Variants in JARID2 observed in about 807,000 individuals in gnomAD.
JARID2 encodes protein Jumonji.
A neutral mutation model predicts 125.6 loss-of-function variants in JARID2; 21 were observed. The observed-to-expected ratio is 0.17, with a 90% confidence interval of 0.12 to 0.24. JARID2 has a LOEUF of 0.24. JARID2 is among the 10% of genes least tolerant of loss of function. The probability of loss-of-function intolerance (pLI) is 1.00; values close to 1 mark genes in which losing one functional copy is unlikely to be tolerated. For synonymous variants in JARID2, 736 were observed against 661.6 expected, an observed-to-expected ratio of 1.11 and a Z score of -1.73; for missense variants, 1,303 against 1,639.6, an observed-to-expected ratio of 0.79 and a Z score of 3.55.
chr6:15,519,947 T>C (rs1000095989), intron 17 of JARID2, 122 bp from the exon 18 acceptor site: 2 of 632,630 alleles, frequency 3.2e-6, no homozygotes, highest in East Asian at 6.4e-5. Context: ...TTAAAACCTG[T>C]TGGTTGGTGT....
At chr6:15,373,751 A>G (rs887690534) in intron 1 of JARID2, among the ~76,000 whole-genome samples, 6 of 152,244 alleles carry the variant, frequency 3.9e-5, no homozygotes, top group Admixed American at 6.5e-5. Flanking sequence ...CTCACTTTAT[A>G]AAACTCAAGT....
At chr6:15,439,031 CA>C (rs754404770) in intron 3 of JARID2, among the ~76,000 whole-genome samples, 6,706 of 85,720 alleles carry the variant, frequency 0.078, 183 homozygotes, top group Admixed American at 0.14. Context: ...GACTCTGTCT[CA>C]AAAAAAAAAA....
intron 3 of JARID2, among the ~76,000 whole-genome samples, chr6:15,431,952 T>TAC (rs1766983202): frequency 6.6e-6 from 1 of 152,202 alleles, no homozygotes; most frequent in Non-Finnish European, 1.5e-5. Flanking sequence ...CCTGGTTAGG[T>TAC]ACACAGGCTC....
At position 15,496,166 on chromosome 6, in the gene JARID2, C is replaced by T. The variant is rs374542117; in HGVS notation, c.941C>T (p.Ser314Phe). Residue 314 changes from serine to phenylalanine, a missense_variant, in exon 7 of 18, where the codon TCT (serine) becomes TTT (phenylalanine). Around this residue, in one of 11 missense-constraint regions of JARID2, gnomAD observed 651 missense variants for 581.6 expected, o/e 1.12. Transcript: ENST00000341776. The stretch of plus-strand genomic sequence containing the variant: ...GTAAACGGAGTCACTCGAATGTCAT[C>T]TCTGGGTGCAGGTGTAACCAGTGCC... ...SKVNGVTRMS[S>F]LGAGVTSAKK... 8.5e-5 allele frequency: 137 copies of T among 1,613,642 alleles called. 1 individual carries two copies. The highest frequency in any genetic ancestry group is 3.3e-4 in the Middle Eastern group (2 of 6,080).
At chr6:15,277,756 T>TA in intron 1 of JARID2, among the ~76,000 whole-genome samples, 2 of 145,318 alleles carry the variant, frequency 1.4e-5, no homozygotes, top group African/African-American at 5.1e-5. Context: ...TGTCGTAACT[T>TA]ACTAATAGAT....
intron 5 of JARID2, among the ~76,000 whole-genome samples, chr6:15,481,801 G>A (rs3800497): frequency 0.25 from 37,780 of 152,024 alleles, 5,250 homozygotes; most frequent in East Asian, 0.41. Flanking sequence ...TTTAATTTCC[G>A]TATGTTTGAA....
intron 1 of JARID2, among the ~76,000 whole-genome samples, chr6:15,367,087 G>T (rs1429655710): frequency 6.6e-6 from 1 of 152,104 alleles, no homozygotes; most frequent in African/African-American, 2.4e-5. Flanking sequence ...GTATTTCCCT[G>T]TCGTTACTAC....
chr6:15,477,637 G>C (rs997419339), intron 5 of JARID2, among the ~76,000 whole-genome samples: 17 of 151,896 alleles, frequency 1.1e-4, no homozygotes, highest in African/African-American at 3.9e-4. Flanking sequence ...ATGGTTCAGA[G>C]CATCATGATT....
intron 1 of JARID2, among the ~76,000 whole-genome samples, chr6:15,277,765 A>G (rs899076868): frequency 3.4e-5 from 5 of 145,034 alleles, no homozygotes; most frequent in African/African-American, 1.3e-4. Context: ...TTACTAATAG[A>G]TAGCCAAGTC....
intron 7 of JARID2, among the ~76,000 whole-genome samples, chr6:15,500,101 G>A (rs376318869): frequency 4.6e-5 from 7 of 152,248 alleles, no homozygotes; most frequent in African/African-American, 1.7e-4. Context: ...CCTTTATTTG[G>A]CCCGAGGGAG....
intron 3 of JARID2, among the ~76,000 whole-genome samples, chr6:15,422,272 C>T (rs916309517): frequency 1.2e-4 from 18 of 152,302 alleles, no homozygotes; most frequent in African/African-American, 4.1e-4. Context: ...TTTACTTTTC[C>T]TGCAGTGAGC....
chr6:15,258,588 CCTGA>C (rs1257217985), intron 1 of JARID2, among the ~76,000 whole-genome samples: 11 of 152,120 alleles, frequency 7.2e-5, no homozygotes. Flanking sequence ...TTGAGGCCAG[CCTGA>C]CTAACATGGT....
intron 1 of JARID2, among the ~76,000 whole-genome samples, chr6:15,365,305 T>A (rs1489948326): frequency 6.6e-6 from 1 of 152,036 alleles, no homozygotes; most frequent in Admixed American, 6.5e-5. Flanking sequence ...AGATCTTGGG[T>A]CTTTTTTGAT....
At chr6:15,514,094 A>G (rs985527261) in intron 16 of JARID2, among the ~76,000 whole-genome samples, 1 of 152,144 alleles carries the variant, frequency 6.6e-6, no homozygotes, top group African/African-American at 2.4e-5. Context: ...GTTAATACCA[A>G]ACACCTCCTC....
At chr6:15,327,149 C>T (rs1483718060) in intron 1 of JARID2, among the ~76,000 whole-genome samples, 2 of 152,134 alleles carry the variant, frequency 1.3e-5, no homozygotes, top group East Asian at 3.9e-4. Flanking sequence ...CTCTGTTAGC[C>T]TCCTTCCTCC....
intron 1 of JARID2, among the ~76,000 whole-genome samples, chr6:15,302,673 GA>G (rs1254991013): frequency 6.6e-6 from 1 of 152,162 alleles, no homozygotes; most frequent in Non-Finnish European, 1.5e-5. Flanking sequence ...TAAGGCAAAG[GA>G]TAACATATAA....
In JARID2 at chr6:15,501,395, A is replaced by C. The variant is rs773548877; in HGVS notation, c.2434A>C (p.Lys812Gln). Residue 812 changes from lysine (K) to glutamine (Q), a missense_variant, in exon 8 of 18, where the codon AAG (lysine) becomes CAG (glutamine). By Grantham distance (53) the Lys-to-Gln change is moderately conservative. Around this residue, in one of 11 missense-constraint regions of JARID2, gnomAD observed 124 missense variants for 131.0 expected, o/e 0.95. Coordinates refer to ENST00000341776, the MANE Select transcript of JARID2 (RefSeq NM_004973.4). ...CAAAGGCGTCCTCAATGACTTCCAC[A>C]AGTGCATCTATAAGGTAGGGGCCTC... ...EDKGVLNDFH[K>Q]CIYKGRSVSL... The C allele has an allele frequency of 4.5e-6, 7 of 1,545,446 alleles. No individual in the cohort carries two copies. The highest frequency in any genetic ancestry group is 6.1e-6 in the Non-Finnish European group (7 of 1,147,258).
intron 2 of JARID2, among the ~76,000 whole-genome samples, chr6:15,381,670 A>T (rs1229644743): frequency 6.6e-6 from 1 of 152,158 alleles, no homozygotes; most frequent in African/African-American, 2.4e-5. Context: ...TGCTTTTTTG[A>T]TGTAGTGATG....
chr6:15,248,025 A>C (rs1195821988), intron 1 of JARID2: 1 of 985,218 alleles, frequency 1.0e-6, no homozygotes, highest in Admixed American at 6.2e-5. Flanking sequence ...CCCGCCTCCC[A>C]TTCCGGACCT....
Sources: allele counts gnomAD v4.1 joint callset (sites outside exome capture counted in the v4.1 genomes callset), GRCh38; gene constraint gnomAD v4.1.1; regional missense constraint gnomAD v4.1.1; transcripts MANE v1.5; gene names NCBI Gene and HGNC (gene_info 2026-07-23, HGNC 2026-07-21).